The following UNC79 variants were observed in gnomAD, a reference collection of about 807,000 sequenced individuals.
The protein encoded by UNC79 is protein unc-79 homolog.
UNC79 carries 37 observed loss-of-function variants against 283.1 expected under a neutral mutation model. The ratio of observed to expected loss-of-function variants is 0.13; its 90% CI spans 0.10 to 0.17. The LOEUF is 0.17. UNC79 is among the 10% of genes least tolerant of loss of function. UNC79 has a pLI of 1.00. For synonymous variants in UNC79, 1,107 were observed against 1,200.2 expected (o/e 0.92, Z 1.61); for missense variants, 2,272 against 3,211.1 (o/e 0.71, Z 7.07).
intron 4 of UNC79, among the ~76,000 whole-genome samples, chr14:93,485,212 A>ATATATATGTGTATATATATGTG (rs777941580): frequency 6.8e-5 from 4 of 58,662 alleles, no homozygotes; most frequent in Non-Finnish European, 1.2e-4. Context: ...ATATATGTGT[A>ATATATATGTGTATATATATGTG]TATATATATA....
intron 1 of UNC79, among the ~76,000 whole-genome samples, chr14:93,398,500 A>G (rs2055042869): frequency 6.6e-6 from 1 of 152,226 alleles, no homozygotes. Flanking sequence ...CAATTGGTTC[A>G]GGACAGACTA....
rs749764905 is a variant in UNC79, at chr14:93,604,972, C to T, written c.3754+1554C>T. ...CCGAACAGACGCCAGGTGGGTACTT[C>T]TGACATTGAAGGGCCATGTACAAGT... On this transcript the variant is annotated intron_variant, in intron 26 of 48. Transcript: ENST00000555664. 6.4e-7 allele frequency: 1 copy of T among 1,574,146 alleles called. No individual in the cohort carries two copies. The highest frequency in any genetic ancestry group is 1.8e-5 in the Admixed American group (1 of 56,554).
At chr14:93,539,445 T>C (rs1057103729) in intron 12 of UNC79, among the ~76,000 whole-genome samples, 2 of 151,194 alleles carry the variant, frequency 1.3e-5, no homozygotes, top group African/African-American at 2.4e-5. Context: ...CGCTTGAACC[T>C]GGGAGGCGGA....
intron 14 of UNC79, 121 bp downstream of exon 14, chr14:93,542,817 A>C (rs566993874): frequency 1.7e-5 from 15 of 859,712 alleles, no homozygotes; most frequent in African/African-American, 1.7e-4. Context: ...TATTTTAATT[A>C]ATATAGCTAA....
chr14:93,347,429 AGC>A, intron 1 of UNC79: 1 of 1,449,484 alleles, frequency 6.9e-7, no homozygotes. Context: ...GTGGGCGGGA[AGC>A]GCGTGGCCCT....
chr14:93,600,649 G>A (rs981146537), exon 25 of UNC79: 15 of 1,613,266 alleles, frequency 9.3e-6, no homozygotes, highest in African/African-American at 1.3e-5. Flanking sequence ...TTTTACTCTT[G>A]CACTTTCTTA....
At position 93,618,184 on chromosome 14, in the gene UNC79, T is replaced by A. The variant is rs80082643; in HGVS notation, c.4225-8T>A. 5.0e-6 allele frequency: 8 copies of A among 1,602,948 alleles called. No individual in the cohort carries two copies. In the Middle Eastern group the frequency reaches 5.0e-4, roughly 100 times the overall value. On this transcript the variant is annotated splice_polypyrimidine_tract_variant and splice_region_variant and intron_variant, in intron 28 of 48. Coordinates refer to ENST00000555664, the Ensembl canonical transcript of UNC79. ...ATTTATCTTTTTCTCTCTCGTTTCATTGGGCAGTATCCATACCGAGACTGT... is the reference window on the plus strand; with the variant it reads ...ATTTATCTTTTTCTCTCTCGTTTCAATGGGCAGTATCCATACCGAGACTGT...
At chr14:93,613,797 G>A (rs1267138510) in intron 27 of UNC79, among the ~76,000 whole-genome samples, 1 of 151,976 alleles carries the variant, frequency 6.6e-6, no homozygotes, top group East Asian at 1.9e-4. Context: ...TTAATTCTAT[G>A]TTAGAAATTA....
intron 1 of UNC79, among the ~76,000 whole-genome samples, chr14:93,459,183 G>T (rs1419085814): frequency 6.6e-6 from 1 of 152,116 alleles, no homozygotes; most frequent in African/African-American, 2.4e-5. Flanking sequence ...GTAGAGACAG[G>T]GTTTCACCAT....
chr14:93,438,976 A>G lies in UNC79; in HGVS notation c.22+7925A>G, dbSNP rs138834660. ...GTATTTTCTTTCGTCATTTTTTGCCATCATAATTGAGATGTATCATTTCTT... is the reference window on the plus strand; with the variant it reads ...GTATTTTCTTTCGTCATTTTTTGCCGTCATAATTGAGATGTATCATTTCTT... On this transcript the variant is annotated intron_variant, in intron 1 of 48. Coordinates refer to ENST00000555664, the Ensembl canonical transcript of UNC79. Among the ~76,000 whole-genome samples the G allele has an allele frequency of 4.3e-3, 658 of 152,068 alleles. 3 individuals are homozygous for G. The highest frequency in any genetic ancestry group is 0.012 in the African/African-American group (483 of 41,536).
intron 1 of UNC79, among the ~76,000 whole-genome samples, chr14:93,392,493 G>A (rs1176988698): frequency 6.6e-6 from 1 of 152,124 alleles, no homozygotes; most frequent in Non-Finnish European, 1.5e-5. Flanking sequence ...CATGTAGTTT[G>A]TATCAAATTA....
chr14:93,449,275 C>T (rs1217897598), intron 1 of UNC79, among the ~76,000 whole-genome samples: 1 of 152,092 alleles, frequency 6.6e-6, no homozygotes, highest in African/African-American at 2.4e-5. Context: ...CCTCTTTTAC[C>T]ATATTTAAGC....
At chr14:93,542,554 C>A (rs767462239) in exon 14 of UNC79, 2 of 1,614,168 alleles carry the variant, frequency 1.2e-6, no homozygotes, top group Non-Finnish European at 1.7e-6. Flanking sequence ...CACTCCACTG[C>A]GTATATGATG....
chr14:93,707,631 T>C (rs1595177696), downstream of UNC79: 2 of 152,352 alleles, frequency 1.3e-5, no homozygotes, highest in Admixed American at 1.3e-4. Context: ...AATTGAAAAC[T>C]GTAGCTTGCA....
At chr14:93,697,109 C>A (rs576877743) in intron 47 of UNC79, among the ~76,000 whole-genome samples, 55 of 152,086 alleles carry the variant, frequency 3.6e-4, no homozygotes, top group Middle Eastern at 3.4e-3. Context: ...TTGATTCTGT[C>A]CCATTGATCT....
At chr14:93,482,853 C>G (rs2140413977) in intron 4 of UNC79, among the ~76,000 whole-genome samples, 1 of 152,244 alleles carries the variant, frequency 6.6e-6, no homozygotes, top group African/African-American at 2.4e-5. Context: ...TCAGATCATG[C>G]CACTTCCTTC....
At chr14:93,643,731 G>A in intron 34 of UNC79, 34 bp downstream of exon 37, 1 of 1,609,108 alleles carries the variant, frequency 6.2e-7, no homozygotes, top group South Asian at 1.1e-5. Context: ...TTGGTAGGAA[G>A]GTCCTTTATT....
At chr14:93,633,352 C>T (rs546315104) in intron 31 of UNC79, among the ~76,000 whole-genome samples, 7 of 152,260 alleles carry the variant, frequency 4.6e-5, no homozygotes, top group African/African-American at 1.2e-4. Flanking sequence ...TTGTGACCAC[C>T]ATTAATCAAA....
intron 40 of UNC79, among the ~76,000 whole-genome samples, chr14:93,670,620 C>G (rs916480740): frequency 6.6e-6 from 1 of 152,168 alleles, no homozygotes; most frequent in African/African-American, 2.4e-5. Context: ...CTCTCCAAAC[C>G]CTTTTCTTTT....
Sources: gnomAD v4.1 joint callset for allele counts (sites outside exome capture counted in the v4.1 genomes callset) on GRCh38, gnomAD v4.1.1 for gene constraint, MANE v1.5 for transcripts, NCBI Gene and HGNC (gene_info 2026-07-23, HGNC 2026-07-21) for gene names.